CEP170: variants seen among roughly 807,000 people sequenced by gnomAD.
CEP170 encodes centrosomal protein 170.
A neutral mutation model predicts 151.9 loss-of-function variants in CEP170; 21 were observed. That is an observed-to-expected ratio of 0.14 (90% CI 0.10 to 0.20). The LOEUF is 0.20. Among genes scored for constraint, CEP170 ranks in the 10% least tolerant of loss-of-function variants. CEP170 has a pLI of 1.00. For missense variants in CEP170, 964 were observed against 1,892.9 expected, an observed-to-expected ratio of 0.51 and a Z score of 9.11; for synonymous variants, 356 against 648.8, an observed-to-expected ratio of 0.55 and a Z score of 6.86.
intron 2 of CEP170, among the ~76,000 whole-genome samples, chr1:243,223,007 T>C (rs13375453): frequency 0.052 from 7,856 of 152,214 alleles, 665 homozygotes; most frequent in African/African-American, 0.18. Context: ...TTTTCATTAC[T>C]TTGAATTTTT....
At chr1:243,242,024 G>C (rs1449068457) in intron 1 of CEP170, among the ~76,000 whole-genome samples, 1 of 151,802 alleles carries the variant, frequency 6.6e-6, no homozygotes, top group African/African-American at 2.4e-5. Flanking sequence ...AAGAGAGAAA[G>C]GAAAGTCAAA....
intron 13 of CEP170, 55 bp downstream of exon 13, chr1:243,164,229 G>A (rs1250459899): frequency 1.7e-5 from 22 of 1,304,482 alleles, no homozygotes; most frequent in East Asian, 1.1e-4. Flanking sequence ...AAAAAAAAAA[G>A]GAGCCCCCAA....
chr1:243,132,149 T>C (rs2054497431), intron 17 of CEP170, among the ~76,000 whole-genome samples: 1 of 152,210 alleles, frequency 6.6e-6, no homozygotes, highest in Non-Finnish European at 1.5e-5. Context: ...CCAGTAGACA[T>C]TTGAGGTTAT....
intron 14 of CEP170, among the ~76,000 whole-genome samples, chr1:243,149,943 CTG>C (rs2056902232): frequency 6.6e-6 from 1 of 151,792 alleles, no homozygotes; most frequent in Non-Finnish European, 1.5e-5. Context: ...ATAACTTTAA[CTG>C]TACATATTTT....
At chr1:243,226,184 GATATATATATCTAGATATAT>G (rs2063274024) in intron 1 of CEP170, among the ~76,000 whole-genome samples, 1 of 20,674 alleles carries the variant, frequency 4.8e-5, no homozygotes, top group Non-Finnish European at 9.8e-5. Context: ...TATATATCTA[GATATATATATCTAGATATAT>G]ATATATCTAT....
At chr1:243,150,208 T>C (rs1266916555) in intron 14 of CEP170, among the ~76,000 whole-genome samples, 1 of 152,220 alleles carries the variant, frequency 6.6e-6, no homozygotes. Flanking sequence ...TGGAGTGCAG[T>C]GGCGTGATCT....
intron 14 of CEP170, among the ~76,000 whole-genome samples, chr1:243,155,843 C>T (rs1013848380): frequency 6.6e-6 from 1 of 152,012 alleles, no homozygotes; most frequent in African/African-American, 2.4e-5. Flanking sequence ...AAAAGGTATA[C>T]TATTACATCT....
At chr1:243,147,332 C>T (rs1211573076) in intron 14 of CEP170, among the ~76,000 whole-genome samples, 1 of 152,206 alleles carries the variant, frequency 6.6e-6, no homozygotes. Context: ...TGCTATTCTG[C>T]CACTTAACTG....
intron 1 of CEP170, among the ~76,000 whole-genome samples, chr1:243,230,612 AG>A (rs1305945861): frequency 6.6e-6 from 1 of 152,210 alleles, no homozygotes; most frequent in Non-Finnish European, 1.5e-5. Context: ...AACTGAAGTA[AG>A]AAAAACTCAA....
At chr1:243,156,142 A>C in intron 14 of CEP170, 79 bp downstream of exon 14, 2 of 1,468,406 alleles carry the variant, frequency 1.4e-6, no homozygotes, top group African/African-American at 2.8e-5. Flanking sequence ...GTAAAAATCA[A>C]GTACAAGCTA....
In CEP170 at chr1:243,164,990, C is replaced by T. The variant is rs1456905089; in HGVS notation, c.2970G>A (p.Lys990=). 6.2e-7 allele frequency: 1 copy of T among 1,613,606 alleles called. No homozygotes were observed. The highest frequency in any genetic ancestry group is 1.3e-5 in the African/African-American group (1 of 74,928). Residue 990 remains lysine (K), a synonymous_variant, in exon 13 of 20, where the codon AAG becomes AAA. Coordinates refer to ENST00000366542, the MANE Select transcript of CEP170 (RefSeq NM_014812.3). ...SSSGAREKME[K]KTKSRSTDVG... ...CATCTGTGGAACGACTTTTTGTTTT[C>T]TTTTCCATTTTTTCCCTAGCACCTG...
chr1:243,241,237 T>G (rs2064806835), intron 1 of CEP170, among the ~76,000 whole-genome samples: 1 of 152,124 alleles, frequency 6.6e-6, no homozygotes, highest in Non-Finnish European at 1.5e-5. Flanking sequence ...GACCAAGTGT[T>G]GCAAACTACA....
chr1:243,236,676 T>TC lies in CEP170; in HGVS notation c.-41-11356dup, dbSNP rs573012601. Among the ~76,000 whole-genome samples the TC allele has an allele frequency of 1.3e-4, 20 of 152,238 alleles. No homozygotes were observed. The South Asian group carries it at 4.2e-3, about 32-fold the overall frequency. The stretch of plus-strand genomic sequence containing the variant: ...GACTCTGAAAGAATAGTAAACTATC[T>TC]CCAGGTTCACTAAATAACTATAAAT... On this transcript the variant is annotated intron_variant, in intron 1 of 19. Transcript: ENST00000366542.
intron 3 of CEP170, among the ~76,000 whole-genome samples, chr1:243,219,877 C>G (rs1019243713): frequency 6.6e-6 from 1 of 152,184 alleles, no homozygotes; most frequent in Non-Finnish European, 1.5e-5. Flanking sequence ...GGCACATGAA[C>G]TTATTCAGGA....
intron 14 of CEP170, among the ~76,000 whole-genome samples, chr1:243,153,968 G>A (rs539884925): frequency 2.6e-5 from 4 of 152,350 alleles, no homozygotes; most frequent in Non-Finnish European, 5.9e-5. Flanking sequence ...TTTCATAACA[G>A]AGAAACTGAG....
At chr1:243,214,447 GGCTA>G (rs2062090936) in intron 3 of CEP170, among the ~76,000 whole-genome samples, 1 of 151,580 alleles carries the variant, frequency 6.6e-6, no homozygotes, top group Non-Finnish European at 1.5e-5. Flanking sequence ...CGCCACGCCT[GGCTA>G]ATTTTTGTAT....
At chr1:243,248,160 T>C (rs1558157060) in intron 1 of CEP170, among the ~76,000 whole-genome samples, 1 of 152,192 alleles carries the variant, frequency 6.6e-6, no homozygotes, top group Non-Finnish European at 1.5e-5. Context: ...AAAAAGGAAA[T>C]TGCTTTCTCA....
At chr1:243,210,608 ATTTTT>A (rs751388751) in intron 4 of CEP170, among the ~76,000 whole-genome samples, 9 of 67,958 alleles carry the variant, frequency 1.3e-4, no homozygotes, top group East Asian at 1.0e-3. Context: ...ATTTTTCGTA[ATTTTT>A]TTTTTTTTTT....
At chr1:243,172,898 T>A in intron 10 of CEP170, 52 bp from the exon 11 acceptor site, 1 of 1,482,646 alleles carries the variant, frequency 6.7e-7, no homozygotes, top group Non-Finnish European at 9.0e-7. Flanking sequence ...GAACACAAGA[T>A]TAATATGTGA....
Sources: gnomAD v4.1 joint callset for allele counts (sites outside exome capture counted in the v4.1 genomes callset) on GRCh38, gnomAD v4.1.1 for gene constraint, MANE v1.5 for transcripts, NCBI Gene and HGNC (gene_info 2026-07-23, HGNC 2026-07-21) for gene names.